Variants in SATL1 observed in about 807,000 individuals in gnomAD.
SATL1 encodes the protein spermidine/spermine N(1)-acetyltransferase-like protein 1.
A neutral mutation model predicts 51.8 loss-of-function variants in SATL1; 47 were observed. That is an observed-to-expected ratio of 0.91 (90% CI 0.72 to 1.16). SATL1 has a LOEUF of 1.16. SATL1 is among the 50% of genes most tolerant of loss of function. The probability of loss-of-function intolerance (pLI) is 0.00; values close to 1 mark genes in which losing one functional copy is unlikely to be tolerated. For missense variants in SATL1, 520 were observed against 526.4 expected (o/e 0.99, Z 0.12); for synonymous variants, 176 against 182.4 (o/e 0.97, Z 0.28).
intron 2 of SATL1, among the ~76,000 whole-genome samples, chrX:85,170,434 T>G (rs1442049296): frequency 9.0e-6 from 1 of 111,710 alleles, no homozygotes; most frequent in Non-Finnish European, 1.9e-5. Flanking sequence ...TTTACTTGGT[T>G]TAAACTAATA....
At chrX:85,158,273 G>A (rs764259927) in intron 2 of SATL1, among the ~76,000 whole-genome samples, 2 of 111,362 alleles carry the variant, frequency 1.8e-5, no homozygotes, top group Non-Finnish European at 1.9e-5. Context: ...GTAAGTTGAC[G>A]TGAGACTACA....
rs1367460541 is a variant in SATL1, at chrX:85,227,004, T to A, written c.-434-2678A>T. Among the ~76,000 whole-genome samples the A allele has an allele frequency of 4.5e-5, 5 of 111,632 alleles. No individual in the cohort carries two copies. In the East Asian group the frequency reaches 1.4e-3, roughly 32 times the overall value. On this transcript the variant is annotated intron_variant, in intron 1 of 7. Coordinates refer to ENST00000644105, the MANE Select transcript of SATL1 (RefSeq NM_001367857.2). The stretch of plus-strand genomic sequence containing the variant: ...TATGTCCTGAATATTCTTGCCTTTT[T>A]CTTGCTTGAGTTCAGCTGCCAAAAC...
chrX:85,113,644 T>C (rs775833989), intron 2 of SATL1, among the ~76,000 whole-genome samples: 1 of 112,455 alleles, frequency 8.9e-6, no homozygotes, highest in East Asian at 2.8e-4. Flanking sequence ...CAAATCATGA[T>C]AAGACTGACT....
chrX:85,131,475 C>CT (rs1198634095), intron 2 of SATL1, among the ~76,000 whole-genome samples: 24 of 106,737 alleles, frequency 2.2e-4, no homozygotes, highest in Admixed American at 6.1e-4. Flanking sequence ...GCAACCTCTG[C>CT]TTTTTTTTTT....
chrX:85,239,930 C>A (rs1928553198), intron 1 of SATL1, among the ~76,000 whole-genome samples: 1 of 105,364 alleles, frequency 9.5e-6, no homozygotes, highest in African/African-American at 3.4e-5. Context: ...GACACCAAAG[C>A]ACAACACATG....
At chrX:85,217,575 C>T (rs1309941285) in intron 2 of SATL1, among the ~76,000 whole-genome samples, 2 of 111,674 alleles carry the variant, frequency 1.8e-5, no homozygotes, top group Admixed American at 9.5e-5. Flanking sequence ...TTAAACTTTT[C>T]CCCAACAAAG....
chrX:85,125,519 A>AGTGTGTGT (rs72067285), intron 2 of SATL1, among the ~76,000 whole-genome samples: 5,140 of 98,540 alleles, frequency 0.052, 181 homozygotes, highest in Admixed American at 0.15. Context: ...CACATAGGAA[A>AGTGTGTGT]GTGTGTGTGT....
chrX:85,181,331 G>A (rs1927199048), intron 2 of SATL1, among the ~76,000 whole-genome samples: 1 of 109,485 alleles, frequency 9.1e-6, no homozygotes, highest in African/African-American at 3.3e-5. Flanking sequence ...TTCAATCTAA[G>A]GAGGAACCAG....
chrX:85,149,445 C>A (rs1466053136), intron 2 of SATL1, among the ~76,000 whole-genome samples: 1 of 111,530 alleles, frequency 9.0e-6, no homozygotes, highest in East Asian at 2.8e-4. Flanking sequence ...GAATTGAACT[C>A]AGCTCTGCAT....
chrX:85,108,871 T>C lies in SATL1; in HGVS notation c.98A>G (p.Asp33Gly). The C allele has an allele frequency of 5.8e-6, 7 of 1,211,782 alleles. No homozygotes were observed. The highest frequency in any genetic ancestry group is 5.6e-6 in the Non-Finnish European group (5 of 895,502). Residue 33 changes from aspartate to glycine, a missense_variant, in exon 3 of 8, where the codon GAC becomes GGC. Physicochemically the swap from Asp to Gly is moderately conservative, Grantham distance 94. Transcript: ENST00000644105. The stretch of plus-strand genomic sequence containing the variant: ...TAGGCTTGCACTCCCTTGGTTCATG[T>C]CCATTTGGTTCATACCAAGTGAGTT... ...STNSLGMNQM[D>G]MNQGSASLYE...
chrX:85,228,758 C>A (rs1928324395), intron 1 of SATL1, among the ~76,000 whole-genome samples: 1 of 111,571 alleles, frequency 9.0e-6, no homozygotes, highest in African/African-American at 3.3e-5. Flanking sequence ...TTGTTCTCTT[C>A]TTCTCAGTGT....
intron 2 of SATL1, among the ~76,000 whole-genome samples, chrX:85,141,782 AG>A (rs1032107812): frequency 9.1e-6 from 1 of 109,699 alleles, no homozygotes; most frequent in Admixed American, 9.8e-5. Context: ...ATTTTTGTAG[AG>A]GGAATTCATG....
intron 2 of SATL1, among the ~76,000 whole-genome samples, chrX:85,205,963 T>G (rs780610184): frequency 4.5e-5 from 5 of 111,708 alleles, no homozygotes; most frequent in Non-Finnish European, 9.4e-5. Flanking sequence ...GCTGACTGGC[T>G]GAACACGGGG....
chrX:85,122,222 C>T (rs988988885), intron 2 of SATL1, among the ~76,000 whole-genome samples: 2 of 111,173 alleles, frequency 1.8e-5, no homozygotes, highest in African/African-American at 6.5e-5. Flanking sequence ...TTTTTGCAGA[C>T]GTCTTCCCTG....
In SATL1 at chrX:85,224,205, C is replaced by T. The variant is rs770711453; in HGVS notation, c.-313G>A. 18 of 111,703 alleles carry T rather than the reference C, an allele frequency of 1.6e-4. No individual in the cohort carries two copies. Among genetic ancestry groups the T allele is most frequent in the Non-Finnish European group, 3.2e-4 (17 of 53,106 alleles). 9.2% of individuals were successfully genotyped at this position (111,703 alleles called of 1,213,427 possible). ...CTCTAGGGGAAAATCCATTCCTTAC[C>T]TCTTCCAACTTCTGATGGCTTCGGT... On this transcript the variant is annotated splice_region_variant and 5_prime_UTR_variant, in exon 2 of 8. Coordinates refer to ENST00000644105, the MANE Select transcript of SATL1 (RefSeq NM_001367857.2).
chrX:85,095,050 A>T (rs1463301760), intron 4 of SATL1, 54 bp from the exon 5 acceptor site: 1 of 668,926 alleles, frequency 1.5e-6, no homozygotes, highest in Non-Finnish European at 2.4e-6. Context: ...AGAGAGAAGG[A>T]GATGGTGGAT....
Position 85,094,214 on chromosome X carries a change from C to T in SATL1, c.1790G>A (p.Gly597Glu). 8.6e-7 allele frequency: 1 copy of T among 1,168,721 alleles called. No homozygotes were observed. Among genetic ancestry groups the T allele is most frequent in the Admixed American group, 2.2e-5 (1 of 45,685 alleles). The change falls in exon 6 of 8, where the codon GGA (glycine) becomes GAA (glutamate). Residue 597 changes from glycine to glutamate, a missense_variant. By Grantham distance (98) the Gly-to-Glu change is moderately conservative. Coordinates refer to ENST00000644105, the MANE Select transcript of SATL1 (RefSeq NM_001367857.2). Reference protein sequence around the residue: ...QQKPSGKLTVGFAMYYFTYDS... With the variant: ...QQKPSGKLTVEFAMYYFTYDS... ...GTATGTAAAGTAGTACATGGCAAAT[C>T]CAACAGTCAGTTTGCCTAGGAAGGG...
rs4422910 is a variant in SATL1, at chrX:85,101,552, G to T, written c.1693+2312C>A. Among the ~76,000 whole-genome samples, 7 of 112,053 alleles carry T rather than the reference G, an allele frequency of 6.2e-5. No homozygotes were observed. In the South Asian group the frequency reaches 1.9e-3, roughly 30 times the overall value. On this transcript the variant is annotated intron_variant, in intron 4 of 7. Coordinates refer to ENST00000644105, the MANE Select transcript of SATL1 (RefSeq NM_001367857.2). Reference sequence around the variant, plus strand: ...AAATAAGTGTTGGTGAGGATGTGGAGAAATTAGAACCCTTGTGCTTTGCTA... The same window carrying T: ...AAATAAGTGTTGGTGAGGATGTGGATAAATTAGAACCCTTGTGCTTTGCTA...
At chrX:85,241,783 T>C (rs188793755) in intron 1 of SATL1, among the ~76,000 whole-genome samples, 1 of 112,275 alleles carries the variant, frequency 8.9e-6, no homozygotes, top group East Asian at 2.8e-4. Flanking sequence ...TCAGTGATGA[T>C]GTAGACTCTA....
Sources: gnomAD v4.1 joint callset for allele counts (sites outside exome capture counted in the v4.1 genomes callset) on GRCh38, gnomAD v4.1.1 for gene constraint, MANE v1.5 for transcripts, NCBI Gene and HGNC (gene_info 2026-07-23, HGNC 2026-07-21) for gene names.